PRKG1: variants seen among roughly 807,000 people sequenced by gnomAD.
The protein encoded by PRKG1 is protein kinase cGMP-dependent 1, also known as cGMP-dependent protein kinase 1.
PRKG1 carries 35 observed loss-of-function variants against 88.1 expected under a neutral mutation model. That is an observed-to-expected ratio of 0.40 (90% CI 0.30 to 0.53). PRKG1 has a LOEUF of 0.53. Ranked by LOEUF, PRKG1 falls within the 20% of genes least tolerant of loss-of-function variation. The pLI, the probability that PRKG1 is intolerant of heterozygous loss-of-function variation, is 0.59. For missense variants in PRKG1, 540 were observed against 839.8 expected, an observed-to-expected ratio of 0.64 and a Z score of 4.41; for synonymous variants, 303 against 292.5, an observed-to-expected ratio of 1.04 and a Z score of -0.37.
intron 5 of PRKG1, among the ~76,000 whole-genome samples, chr10:52,033,927 G>T (rs940915816): frequency 6.6e-6 from 1 of 151,434 alleles, no homozygotes; most frequent in Non-Finnish European, 1.5e-5. Flanking sequence ...ACAGTCAAAG[G>T]GGGGTTGTTC....
intron 5 of PRKG1, among the ~76,000 whole-genome samples, chr10:52,022,141 C>G (rs1845202567): frequency 6.6e-6 from 1 of 152,182 alleles, no homozygotes; most frequent in African/African-American, 2.4e-5. Flanking sequence ...GACTGATACT[C>G]TACAGTGTAC....
At chr10:51,468,418 C>A (rs1839963163) in intron 3 of PRKG1, among the ~76,000 whole-genome samples, 1 of 151,808 alleles carries the variant, frequency 6.6e-6, no homozygotes, top group South Asian at 2.1e-4. Flanking sequence ...GGCAATAAAG[C>A]AGCTTGTTTC....
intron 3 of PRKG1, among the ~76,000 whole-genome samples, chr10:51,643,374 C>G (rs185124450): frequency 1.0e-3 from 158 of 152,204 alleles, no homozygotes; most frequent in African/African-American, 3.4e-3. Flanking sequence ...CTGATTTTCC[C>G]CTTTCTGAAT....
chr10:52,031,119 G>A (rs1030434612), intron 5 of PRKG1, among the ~76,000 whole-genome samples: 7 of 152,088 alleles, frequency 4.6e-5, no homozygotes, highest in Admixed American at 6.6e-5. Flanking sequence ...GAACCAGGTT[G>A]TGAAATAGAA....
At chr10:51,741,716 T>G (rs541744657) in intron 3 of PRKG1, among the ~76,000 whole-genome samples, 2 of 152,256 alleles carry the variant, frequency 1.3e-5, no homozygotes, top group South Asian at 4.1e-4. Context: ...GGGAAGCAAA[T>G]CTACACAGAA....
intron 4 of PRKG1, among the ~76,000 whole-genome samples, chr10:51,842,031 A>G (rs998757898): frequency 6.6e-6 from 1 of 152,188 alleles, no homozygotes. Flanking sequence ...TTCAAGGCAG[A>G]TACTTCTAGA....
intron 3 of PRKG1, among the ~76,000 whole-genome samples, chr10:51,763,290 G>A (rs1028771302): frequency 1.3e-5 from 2 of 151,928 alleles, no homozygotes; most frequent in East Asian, 1.9e-4. Context: ...AGAGCGTGGT[G>A]GCACAATCCT....
intron 2 of PRKG1, among the ~76,000 whole-genome samples, chr10:51,412,793 C>T (rs1838132019): frequency 6.6e-6 from 1 of 152,130 alleles, no homozygotes; most frequent in Admixed American, 6.6e-5. Context: ...TGGTGTGTCC[C>T]AGTTCCCCTG....
chr10:51,779,505 T>A lies in PRKG1; in HGVS notation c.593-25080T>A, dbSNP rs1838530256. Among the ~76,000 whole-genome samples the A allele has an allele frequency of 4.6e-5, 7 of 152,178 alleles. No individual in the cohort carries two copies. The South Asian group carries it at 1.4e-3, about 31-fold the overall frequency. The stretch of plus-strand genomic sequence containing the variant: ...ATATCTGACTCTAAAGATTATTATT[T>A]TTTTCATAAAACAGTATGTTTCCTT... On this transcript the variant is annotated intron_variant, in intron 3 of 17. Transcript: ENST00000373980.
chr10:51,274,894 G>T (rs1214551206), intron 2 of PRKG1, among the ~76,000 whole-genome samples: 4 of 152,202 alleles, frequency 2.6e-5, no homozygotes, highest in Non-Finnish European at 5.9e-5. Flanking sequence ...ATGGAGGATG[G>T]ATAGTTGTCT....
intron 4 of PRKG1, among the ~76,000 whole-genome samples, chr10:51,818,416 C>CA (rs879690553): frequency 2.2e-4 from 33 of 150,560 alleles, no homozygotes; most frequent in South Asian, 4.2e-4. Flanking sequence ...TGTTTGATTA[C>CA]AAAAAAAAAT....
chr10:51,956,373 TTAA>T (rs1275749910), intron 5 of PRKG1, among the ~76,000 whole-genome samples: 3 of 151,818 alleles, frequency 2.0e-5, no homozygotes, highest in African/African-American at 4.8e-5. Flanking sequence ...GTATACATTA[TTAA>T]TAACATATAT....
intron 3 of PRKG1, among the ~76,000 whole-genome samples, chr10:51,729,344 T>C (rs571969293): frequency 7.2e-5 from 11 of 152,208 alleles, no homozygotes; most frequent in South Asian, 6.2e-4. Context: ...TTATCTCTAG[T>C]GGAAAGGTGA....
At chr10:51,048,698 G>A (rs1364879007) in intron 1 of PRKG1, among the ~76,000 whole-genome samples, 1 of 152,156 alleles carries the variant, frequency 6.6e-6, no homozygotes, top group East Asian at 1.9e-4. Flanking sequence ...ATAAGTCAAC[G>A]CTTGCAAATC....
intron 5 of PRKG1, among the ~76,000 whole-genome samples, chr10:51,981,866 T>C (rs1844019334): frequency 6.6e-6 from 1 of 152,198 alleles, no homozygotes. Context: ...CCTCTCTAGC[T>C]GGGTTGGAGA....
At chr10:52,177,951 T>C (rs182792074) in intron 9 of PRKG1, among the ~76,000 whole-genome samples, 133 of 151,884 alleles carry the variant, frequency 8.8e-4, no homozygotes, top group African/African-American at 3.1e-3. Flanking sequence ...CTTTTTGTTT[T>C]ATTGAGTTTT....
chr10:51,703,254 T>C (rs1019365914), intron 3 of PRKG1, among the ~76,000 whole-genome samples: 3 of 151,932 alleles, frequency 2.0e-5, no homozygotes, highest in Non-Finnish European at 2.9e-5. Context: ...CACTATAGAG[T>C]GTAAGGAAAA....
intron 4 of PRKG1, among the ~76,000 whole-genome samples, chr10:51,896,731 A>G (rs1841858803): frequency 6.6e-6 from 1 of 151,644 alleles, no homozygotes; most frequent in African/African-American, 2.4e-5. Context: ...AATAATTAGT[A>G]GCAGAGCCTA....
At chr10:51,367,432 T>G (rs1206923314) in intron 2 of PRKG1, among the ~76,000 whole-genome samples, 1 of 151,976 alleles carries the variant, frequency 6.6e-6, no homozygotes, top group Non-Finnish European at 1.5e-5. Flanking sequence ...AATGTGCGTA[T>G]GTACAAATGC....
Sources: gnomAD v4.1 joint callset for allele counts (sites outside exome capture counted in the v4.1 genomes callset) on GRCh38, gnomAD v4.1.1 for gene constraint, MANE v1.5 for transcripts, NCBI Gene and HGNC (gene_info 2026-07-23, HGNC 2026-07-21) for gene names.